Variants in ATP10D observed in about 807,000 individuals in gnomAD.
The protein encoded by ATP10D is phospholipid-transporting ATPase VD.
A neutral mutation model predicts 144.8 loss-of-function variants in ATP10D; 89 were observed. The observed-to-expected ratio is 0.61, with a 90% CI of 0.52 to 0.73. ATP10D has a LOEUF of 0.73. Ranked by LOEUF, ATP10D falls within the 30% of genes least tolerant of loss-of-function variation. ATP10D has a pLI of 0.00. For synonymous variants in ATP10D, 571 were observed against 615.1 expected (o/e 0.93, Z 1.06); for missense variants, 1,603 against 1,714.8 (o/e 0.93, Z 1.15).
intron 5 of ATP10D, among the ~76,000 whole-genome samples, chr4:47,529,672 G>A (rs551027497): frequency 3.3e-5 from 5 of 152,028 alleles, no homozygotes; most frequent in South Asian, 2.1e-4. Flanking sequence ...TTCTAATTCT[G>A]TGAAAAATGA....
At chr4:47,573,114 A>G (rs1052791376) in intron 18 of ATP10D, 117 bp downstream of exon 18, 8 of 1,252,422 alleles carry the variant, frequency 6.4e-6, no homozygotes, top group East Asian at 2.4e-5. Flanking sequence ...TGTATTGGGA[A>G]CAGCCAGGAC....
chr4:47,516,224 A>G (rs1716680850), intron 3 of ATP10D, among the ~76,000 whole-genome samples: 1 of 151,552 alleles, frequency 6.6e-6, no homozygotes, highest in South Asian at 2.1e-4. Context: ...ATCCTGGGCG[A>G]CAGAGTGAGA....
At chr4:47,499,065 C>T (rs184241482) in intron 1 of ATP10D, among the ~76,000 whole-genome samples, 4 of 152,264 alleles carry the variant, frequency 2.6e-5, no homozygotes, top group East Asian at 3.9e-4. Flanking sequence ...GTTTATCTCT[C>T]GGTTAGTCTT....
Position 47,568,861 on chromosome 4 carries a change from A to C in ATP10D, c.2878A>C (p.Thr960Pro). 6.2e-7 allele frequency: 1 copy of C among 1,614,098 alleles called. No individual in the cohort carries two copies. Among genetic ancestry groups the C allele is most frequent in the Non-Finnish European group, 8.5e-7 (1 of 1,179,980 alleles). ...GGATGCCTGTGGGATGCTGATGAGCACAATTTTGAAAGAACTTCAGAAGAA... is the reference window on the plus strand; with the variant it reads ...GGATGCCTGTGGGATGCTGATGAGCCCAATTTTGAAAGAACTTCAGAAGAA... The part of the protein sequence containing the change: ...SKDACGMLMS[T>P]ILKELQKKTQ... The change falls in exon 16 of 23, where the codon ACA (threonine) becomes CCA (proline). Residue 960 changes from threonine to proline, a missense_variant. Coordinates refer to ENST00000273859, the MANE Select transcript of ATP10D (RefSeq NM_020453.4).
At chr4:47,487,516 C>T (rs1340363889) in intron 1 of ATP10D, among the ~76,000 whole-genome samples, 2 of 152,120 alleles carry the variant, frequency 1.3e-5, no homozygotes, top group Admixed American at 6.5e-5. Context: ...AGAATTCTCA[C>T]AGAACAATGC....
chr4:47,560,581 C>G (rs1408999797), intron 13 of ATP10D, among the ~76,000 whole-genome samples: 1 of 152,208 alleles, frequency 6.6e-6, no homozygotes, highest in Non-Finnish European at 1.5e-5. Context: ...CTAAACAGTC[C>G]TGATACCACT....
intron 10 of ATP10D, among the ~76,000 whole-genome samples, chr4:47,548,525 A>G (rs1350126709): frequency 6.6e-6 from 1 of 152,192 alleles, no homozygotes; most frequent in Admixed American, 6.5e-5. Context: ...TCCATCTTGA[A>G]TCAACATCTA....
At chr4:47,489,541 T>C (rs953727549) in intron 1 of ATP10D, among the ~76,000 whole-genome samples, 2 of 152,210 alleles carry the variant, frequency 1.3e-5, no homozygotes, top group Non-Finnish European at 2.9e-5. Flanking sequence ...CAGTGACTTA[T>C]ATTTTAGTTA....
At chr4:47,531,049 A>T (rs1175228526) in intron 5 of ATP10D, among the ~76,000 whole-genome samples, 1 of 151,290 alleles carries the variant, frequency 6.6e-6, no homozygotes, top group African/African-American at 2.4e-5. Flanking sequence ...GACTCCTCTG[A>T]CTTGTTGGAA....
chr4:47,515,419 T>A, intron 2 of ATP10D, 57 bp from the exon 3 acceptor site: 1 of 1,408,688 alleles, frequency 7.1e-7, no homozygotes, highest in Non-Finnish European at 9.7e-7. Context: ...ACTTTGCCTC[T>A]GACATCAGTC....
chr4:47,557,912 C>T lies in ATP10D; in HGVS notation c.2073C>T (p.Cys691=). ...ESPQCSSSSA[C]CTETEKQHGD... ...CCCAGTGCTCCAGTAGCTCAGCTTG[C>T]TGCACAGAAACAGAGAAACAACACG... Residue 691 remains cysteine, a synonymous_variant, in exon 12 of 23, where the codon TGC becomes TGT. Transcript: ENST00000273859. The T allele has an allele frequency of 6.2e-7, 1 of 1,614,202 alleles. No homozygotes were observed. The highest frequency in any genetic ancestry group is 8.5e-7 in the Non-Finnish European group (1 of 1,180,030).
chr4:47,559,010 C>A lies in ATP10D; in HGVS notation c.2522C>A (p.Thr841Asn). The A allele has an allele frequency of 6.2e-7, 1 of 1,613,970 alleles. No homozygotes were observed. The highest frequency in any genetic ancestry group is 8.5e-7 in the Non-Finnish European group (1 of 1,179,868). The change falls in exon 13 of 23, where the codon ACT becomes AAT. Residue 841 changes from threonine to asparagine, a missense_variant. Physicochemically the swap from Thr to Asn is moderately conservative, Grantham distance 65 (BLOSUM62 0). Transcript: ENST00000273859. ...GACTATGCCAAACAAGGCCTTCGTA[C>A]TTTATGTATAGCAAAGAAGGTGAGA... ...LDDYAKQGLR[T>N]LCIAKKVMSD...
chr4:47,580,834 G>A (rs779818159), intron 20 of ATP10D, among the ~76,000 whole-genome samples: 1 of 152,206 alleles, frequency 6.6e-6, no homozygotes, highest in Admixed American at 6.5e-5. Context: ...GGCTGAGGCA[G>A]TTGGATTGCT....
At position 47,546,764 on chromosome 4, in the gene ATP10D, C is replaced by A. The variant is rs755662432; in HGVS notation, c.1537C>A (p.Pro513Thr). 2.5e-6 allele frequency: 4 copies of A among 1,613,996 alleles called. No individual in the cohort carries two copies. The highest frequency in any genetic ancestry group is 2.2e-5 in the South Asian group (2 of 91,064). ...TCATAATGGGCCTTTGGGAAATAAG[C>A]CCTCAAATCATCTTGCTGGGAGCTC... ...TVHNGPLGNK[P>T]SNHLAGSSFT... The change falls in exon 10 of 23, where the codon CCC (proline) becomes ACC (threonine). Residue 513 changes from proline to threonine, a missense_variant. Physicochemically the swap from Pro to Thr is conservative, Grantham distance 38 (BLOSUM62 -1). Transcript: ENST00000273859.
chr4:47,515,934 G>T (rs1241174256), intron 3 of ATP10D, among the ~76,000 whole-genome samples: 1 of 152,044 alleles, frequency 6.6e-6, no homozygotes, highest in Non-Finnish European at 1.5e-5. Flanking sequence ...GGAATTAAAA[G>T]AATTAAACTT....
chr4:47,521,257 C>T (rs1716932526), intron 3 of ATP10D, among the ~76,000 whole-genome samples: 1 of 152,152 alleles, frequency 6.6e-6, no homozygotes, highest in Non-Finnish European at 1.5e-5. Flanking sequence ...AAAAGCTTTT[C>T]AAACTGAAGT....
rs1407662151 is a variant in ATP10D, at chr4:47,523,195, G to C, written c.669G>C (p.Val223=). The C allele has an allele frequency of 3.7e-6, 6 of 1,613,818 alleles. No individual in the cohort carries two copies. The highest frequency in any genetic ancestry group is 8.5e-7 in the Non-Finnish European group (1 of 1,179,940). ...AGAGCAATTTAAAACAGAGGCAGGT[G>C]GTTCGGGGATATGCAGAACAGGTAA... ...DGESNLKQRQ[V]VRGYAEQDSE... Residue 223 remains valine (V), a synonymous_variant, in exon 4 of 23, where the codon GTG becomes GTC. Transcript: ENST00000273859.
intron 5 of ATP10D, among the ~76,000 whole-genome samples, chr4:47,531,833 C>T (rs927163078): frequency 4.6e-5 from 7 of 152,258 alleles, no homozygotes; most frequent in South Asian, 2.1e-4. Flanking sequence ...CAGCTGGGCA[C>T]GCTGACTCCC....
intron 9 of ATP10D, 52 bp from the exon 10 acceptor site, chr4:47,546,572 C>T (rs1475951173): frequency 1.3e-6 from 2 of 1,514,634 alleles, no homozygotes; most frequent in Admixed American, 1.7e-5. Context: ...ATATATTCAA[C>T]TTACAAGTGG....
Sources: gnomAD v4.1 joint callset for allele counts (sites outside exome capture counted in the v4.1 genomes callset) on GRCh38, gnomAD v4.1.1 for gene constraint, MANE v1.5 for transcripts, NCBI Gene and HGNC (gene_info 2026-07-23, HGNC 2026-07-21) for gene names.